SDK1: variants seen among roughly 807,000 people sequenced by gnomAD.
SDK1 encodes the protein protein sidekick-1.
In SDK1, 157 loss-of-function variants were observed where a neutral mutation model predicts 245.5. The observed-to-expected ratio is 0.64, with a 90% CI of 0.56 to 0.73. The LOEUF (loss-of-function observed/expected upper bound fraction) is 0.73, where lower values mean the gene tolerates loss of function less well. SDK1 is among the 30% of genes least tolerant of loss of function. The pLI, the probability that SDK1 is intolerant of heterozygous loss-of-function variation, is 0.00. For missense variants in SDK1, 3,583 were observed against 3,002.3 expected (o/e 1.19, Z -4.52); for synonymous variants, 1,647 against 1,278.5 (o/e 1.29, Z -6.15).
intron 7 of SDK1, among the ~76,000 whole-genome samples, chr7:3,956,857 AC>A (rs1781305407): frequency 6.6e-6 from 1 of 152,118 alleles, no homozygotes; most frequent in South Asian, 2.1e-4. Flanking sequence ...GCTTCGGGTC[AC>A]TGTGTGGAGT....
At chr7:3,783,603 C>T (rs945326556) in intron 4 of SDK1, among the ~76,000 whole-genome samples, 5 of 152,024 alleles carry the variant, frequency 3.3e-5, no homozygotes, top group Admixed American at 6.6e-5. Context: ...ATCAAGGGAA[C>T]AATTTCATTT....
chr7:3,525,986 C>G (rs1220464938), intron 1 of SDK1, among the ~76,000 whole-genome samples: 1 of 152,248 alleles, frequency 6.6e-6, no homozygotes, highest in African/African-American at 2.4e-5. Flanking sequence ...GTAATCTTAG[C>G]ACTTTGGGAG....
intron 20 of SDK1, among the ~76,000 whole-genome samples, chr7:4,069,017 T>A (rs1425895007): frequency 2.6e-5 from 4 of 152,196 alleles, no homozygotes; most frequent in African/African-American, 9.6e-5. Context: ...CCACTGCGCC[T>A]GGCCAAATTT....
At position 3,962,718 on chromosome 7, in the gene SDK1, T is replaced by C. The variant is rs1245717136; in HGVS notation, c.1296T>C (p.Asn432=). ...CCATCTCCATCAGCAGGCTCCAGAA[T>C]CCTCGATACAAAGTGCTCGCCAGCG... ...KDAISISRLQ[N]PRYKVLASGG... is the part of the protein sequence containing the mutation. The change falls in exon 9 of 45, where the codon AAT becomes AAC. Residue 432 remains asparagine (N), a synonymous_variant. Coordinates refer to ENST00000404826, the MANE Select transcript of SDK1 (RefSeq NM_152744.4). The C allele has an allele frequency of 6.2e-7, 1 of 1,613,666 alleles. No individual in the cohort carries two copies. The highest frequency in any genetic ancestry group is 1.3e-5 in the African/African-American group (1 of 74,916).
intron 44 of SDK1, among the ~76,000 whole-genome samples, chr7:4,260,304 C>T (rs1419670839): frequency 7.2e-6 from 1 of 138,290 alleles, no homozygotes; most frequent in African/African-American, 2.8e-5. Context: ...ATGTGTTCAT[C>T]GTCACCTGAT....
chr7:3,529,388 A>G (rs1173464652), intron 1 of SDK1, among the ~76,000 whole-genome samples: 4 of 152,358 alleles, frequency 2.6e-5, no homozygotes, highest in South Asian at 2.1e-4. Context: ...TTGGAAAACT[A>G]TCTGTGCTAG....
intron 5 of SDK1, among the ~76,000 whole-genome samples, chr7:3,896,979 G>A (rs1021195242): frequency 1.3e-5 from 2 of 152,126 alleles, no homozygotes; most frequent in Admixed American, 1.3e-4. Context: ...GGGTGAAGGG[G>A]AAGAAGGCAT....
At chr7:3,651,266 A>C (rs1783006870) in intron 4 of SDK1, among the ~76,000 whole-genome samples, 1 of 151,034 alleles carries the variant, frequency 6.6e-6, no homozygotes, top group East Asian at 1.9e-4. Flanking sequence ...TTTTTATTTT[A>C]GTCATTCTCA....
At chr7:3,474,047 C>T (rs1346422108) in intron 1 of SDK1, among the ~76,000 whole-genome samples, 7 of 142,106 alleles carry the variant, frequency 4.9e-5, no homozygotes, top group Non-Finnish European at 6.1e-5. Context: ...TGGTATCATG[C>T]GCCTGTCCCT....
chr7:4,050,175 G>A (rs1194531865), intron 18 of SDK1, among the ~76,000 whole-genome samples: 1 of 152,186 alleles, frequency 6.6e-6, no homozygotes, highest in Admixed American at 6.5e-5. Context: ...ACAGTGAAGG[G>A]ATTCCATCTA....
chr7:4,139,637 ATGTGTGTGTATATGTG>A lies in SDK1; in HGVS notation c.4229-6077_4229-6062del, dbSNP rs1334648385. Reference sequence around the variant, plus strand: ...TATATGTGTGTGTGTATATGTATATATGTGTGTGTATATGTGTGTGTGTATATGTGTGTGTGTATAT... The same window carrying A: ...TATATGTGTGTGTGTATATGTATATATGTGTGTATATGTGTGTGTGTATAT... On this transcript the variant is annotated intron_variant, in intron 28 of 44. Coordinates refer to ENST00000404826, the MANE Select transcript of SDK1 (RefSeq NM_152744.4). Among the ~76,000 whole-genome samples the A allele has an allele frequency of 3.6e-4, 19 of 52,192 alleles. 2 individuals are homozygous for A. Among genetic ancestry groups the A allele is most frequent in the African/African-American group, 1.3e-3 (18 of 13,986 alleles). The allele number at this position is 52,192 out of a possible 152,430, so 34.2% of individuals were successfully genotyped here. A position where few individuals can be genotyped will look rare whatever the true frequency, so the allele number is the denominator to read the frequency against.
intron 5 of SDK1, among the ~76,000 whole-genome samples, chr7:3,843,749 G>T (rs886442431): frequency 3.9e-5 from 6 of 152,174 alleles, no homozygotes; most frequent in African/African-American, 1.4e-4. Flanking sequence ...AGGCTTTTTG[G>T]CTGCCTGGTT....
chr7:3,604,758 A>G (rs914069072), intron 1 of SDK1, among the ~76,000 whole-genome samples: 6 of 151,840 alleles, frequency 4.0e-5, no homozygotes, highest in African/African-American at 1.4e-4. Flanking sequence ...ATGTGTCACT[A>G]CGGCAGGCTA....
intron 5 of SDK1, among the ~76,000 whole-genome samples, chr7:3,914,153 G>A (rs1243467030): frequency 2.0e-5 from 3 of 152,204 alleles, no homozygotes; most frequent in Non-Finnish European, 4.4e-5. Context: ...TTGGTTGAAA[G>A]CATTTGCATT....
Position 4,265,478 on chromosome 7 carries a change from T to A in SDK1, c.*94T>A. 1 of 1,368,726 alleles carries A rather than the reference T, an allele frequency of 7.3e-7. No homozygotes were observed. The allele number at this position is 1,368,726 out of a possible 1,614,324, so 84.8% of individuals were successfully genotyped here. ...TCAACTCCAATAACTGAGCTGAAGTTTTTGTTTAAAAAGAAAAAAATCTGA... is the reference window on the plus strand; with the variant it reads ...TCAACTCCAATAACTGAGCTGAAGTATTTGTTTAAAAAGAAAAAAATCTGA... On this transcript the variant is annotated 3_prime_UTR_variant, in exon 45 of 45. Coordinates refer to ENST00000404826, the MANE Select transcript of SDK1 (RefSeq NM_152744.4).
chr7:4,119,268 C>T (rs1472925475), intron 25 of SDK1, among the ~76,000 whole-genome samples: 1 of 147,894 alleles, frequency 6.8e-6, no homozygotes, highest in Non-Finnish European at 1.5e-5. Flanking sequence ...CATAGCAAGA[C>T]CCCATCTCTA....
chr7:3,877,190 G>A (rs963172879), intron 5 of SDK1, among the ~76,000 whole-genome samples: 1 of 152,192 alleles, frequency 6.6e-6, no homozygotes, highest in Non-Finnish European at 1.5e-5. Flanking sequence ...TGGTCTTTCA[G>A]TCCCTAAACC....
intron 20 of SDK1, among the ~76,000 whole-genome samples, chr7:4,069,732 C>T (rs772417785): frequency 4.3e-4 from 65 of 152,224 alleles, no homozygotes; most frequent in Non-Finnish European, 8.2e-4. Flanking sequence ...GCACTGGCGT[C>T]CTGGATGACA....
At chr7:4,239,116 G>C (rs1371406231) in intron 42 of SDK1, among the ~76,000 whole-genome samples, 1 of 152,192 alleles carries the variant, frequency 6.6e-6, no homozygotes, top group Non-Finnish European at 1.5e-5. Context: ...ACCAGGCATA[G>C]AGCAAGCATT....
Sources: gnomAD v4.1 joint callset for allele counts (sites outside exome capture counted in the v4.1 genomes callset) on GRCh38, gnomAD v4.1.1 for gene constraint, MANE v1.5 for transcripts, NCBI Gene and HGNC (gene_info 2026-07-23, HGNC 2026-07-21) for gene names.